Variants in PRKG1 observed in about 807,000 individuals in gnomAD.
The protein encoded by PRKG1 is protein kinase cGMP-dependent 1.
A neutral mutation model predicts 88.1 loss-of-function variants in PRKG1; 35 were observed. The ratio of observed to expected loss-of-function variants is 0.40; its 90% CI spans 0.30 to 0.53. PRKG1 has a LOEUF of 0.53. Among genes scored for constraint, PRKG1 ranks in the 20% least tolerant of loss-of-function variants. PRKG1 has a pLI of 0.59. For synonymous variants in PRKG1, 303 were observed against 292.5 expected, an observed-to-expected ratio of 1.04 and a Z score of -0.37; for missense variants, 540 against 839.8, an observed-to-expected ratio of 0.64 and a Z score of 4.41.
At chr10:52,273,040 C>T (rs897218676) in intron 12 of PRKG1, among the ~76,000 whole-genome samples, 31 of 151,978 alleles carry the variant, frequency 2.0e-4, no homozygotes, top group Non-Finnish European at 3.4e-4. Flanking sequence ...AGCAATATTT[C>T]ATGTAAATTA....
At chr10:51,494,565 A>G (rs61849790) in intron 3 of PRKG1, among the ~76,000 whole-genome samples, 7,017 of 152,324 alleles carry the variant, frequency 0.046, 262 homozygotes, top group Middle Eastern at 0.11. Context: ...AACTGTCCAG[A>G]ACAAATGGAG....
chr10:51,095,681 TACTC>T (rs1003918564), intron 1 of PRKG1, among the ~76,000 whole-genome samples: 2 of 152,160 alleles, frequency 1.3e-5, no homozygotes, highest in African/African-American at 4.8e-5. Flanking sequence ...CGCAGTGTGA[TACTC>T]AGTACTGGGG....
In PRKG1 at chr10:52,133,475, G is replaced by A. The variant is rs113229765; in HGVS notation, c.936-365G>A. On this transcript the variant is annotated intron_variant, in intron 7 of 17. Coordinates refer to ENST00000373980, the MANE Select transcript of PRKG1 (RefSeq NM_006258.4). ...AAATGGATCAGATACTCAGTTTCTA[G>A]AAGTATAGCTTCAAATTCTTTAAAA... Among the ~76,000 whole-genome samples the A allele has an allele frequency of 6.4e-3, 981 of 152,238 alleles. 6 individuals carry two copies. The highest frequency in any genetic ancestry group is 0.023 in the African/African-American group (937 of 41,576).
At chr10:51,078,551 G>A (rs1844023229) in intron 1 of PRKG1, among the ~76,000 whole-genome samples, 1 of 150,400 alleles carries the variant, frequency 6.6e-6, no homozygotes, top group Non-Finnish European at 1.5e-5. Flanking sequence ...TTTTCATTGC[G>A]AAGTACTTTG....
chr10:51,105,107 G>C (rs1330266363), intron 1 of PRKG1, among the ~76,000 whole-genome samples: 1 of 152,142 alleles, frequency 6.6e-6, no homozygotes, highest in Admixed American at 6.6e-5. Flanking sequence ...CTGGCCCGAA[G>C]TGATCTGCCC....
chr10:51,606,671 A>T (rs940554277), intron 3 of PRKG1, among the ~76,000 whole-genome samples: 1 of 151,868 alleles, frequency 6.6e-6, no homozygotes, highest in Non-Finnish European at 1.5e-5. Context: ...TATTTTACTT[A>T]AAAAAAATAG....
chr10:51,599,644 C>T (rs1290708127), intron 3 of PRKG1, among the ~76,000 whole-genome samples: 1 of 152,090 alleles, frequency 6.6e-6, no homozygotes, highest in Non-Finnish European at 1.5e-5. Context: ...GAACAGAATA[C>T]CAGTCCTGAT....
chr10:51,313,542 C>A (rs916236850), intron 2 of PRKG1, among the ~76,000 whole-genome samples: 1 of 152,026 alleles, frequency 6.6e-6, no homozygotes, highest in African/African-American at 2.4e-5. Flanking sequence ...CCTTCCAGCA[C>A]GAGAAAGAAG....
chr10:51,775,150 T>C (rs892457193), intron 3 of PRKG1, among the ~76,000 whole-genome samples: 4 of 152,168 alleles, frequency 2.6e-5, no homozygotes, highest in African/African-American at 9.6e-5. Flanking sequence ...ATAGAGCTAC[T>C]TGCAGGGGAG....
At chr10:51,834,946 T>C (rs79823495) in intron 4 of PRKG1, among the ~76,000 whole-genome samples, 1,767 of 151,946 alleles carry the variant, frequency 0.012, 25 homozygotes, top group African/African-American at 0.039. Flanking sequence ...CTTAGAAAAA[T>C]GTATAAAGAC....
intron 9 of PRKG1, among the ~76,000 whole-genome samples, chr10:52,188,972 T>TTA (rs1839292130): frequency 1.3e-5 from 2 of 152,202 alleles, no homozygotes; most frequent in South Asian, 4.1e-4. Context: ...TCTCTCCTCT[T>TTA]TAGAAACTTA....
intron 9 of PRKG1, among the ~76,000 whole-genome samples, chr10:52,210,514 G>A (rs1050958251): frequency 2.6e-5 from 4 of 151,960 alleles, no homozygotes; most frequent in Admixed American, 1.3e-4. Context: ...CAATTCTCAC[G>A]GTAGGTTATT....
intron 9 of PRKG1, among the ~76,000 whole-genome samples, chr10:52,168,607 G>C (rs1485527295): frequency 6.6e-6 from 1 of 151,986 alleles, no homozygotes; most frequent in Non-Finnish European, 1.5e-5. Context: ...TCTTGTCTCT[G>C]TGATTGAAGG....
chr10:51,015,629 G>A (rs761532670), intron 1 of PRKG1, among the ~76,000 whole-genome samples: 14 of 152,246 alleles, frequency 9.2e-5, no homozygotes, highest in Non-Finnish European at 1.8e-4. Flanking sequence ...GCTCATGCCT[G>A]TAATCCCAGC....
chr10:51,513,215 A>G (rs1347082529), intron 3 of PRKG1, among the ~76,000 whole-genome samples: 1 of 147,246 alleles, frequency 6.8e-6, no homozygotes, highest in East Asian at 2.0e-4. Flanking sequence ...GATAAAACAG[A>G]CTTTAAACCA....
chr10:51,750,507 C>CA (rs1411240592), intron 3 of PRKG1, among the ~76,000 whole-genome samples: 1 of 152,064 alleles, frequency 6.6e-6, no homozygotes, highest in Non-Finnish European at 1.5e-5. Flanking sequence ...ATGTAGGTGC[C>CA]AGGCAATGAG....
chr10:52,289,248 T>C (rs1428528399), intron 16 of PRKG1, among the ~76,000 whole-genome samples: 3 of 152,136 alleles, frequency 2.0e-5, no homozygotes, highest in African/African-American at 7.2e-5. Context: ...TTTTCCCCTC[T>C]GGCACAAAGG....
At chr10:51,838,532 G>A (rs1281979304) in intron 4 of PRKG1, among the ~76,000 whole-genome samples, 1 of 152,172 alleles carries the variant, frequency 6.6e-6, no homozygotes, top group African/African-American at 2.4e-5. Flanking sequence ...TTTTTAAAGG[G>A]AGCTTCCTTT....
chr10:52,169,069 G>A (rs1483126921), intron 9 of PRKG1, among the ~76,000 whole-genome samples: 1 of 152,124 alleles, frequency 6.6e-6, no homozygotes, highest in Non-Finnish European at 1.5e-5. Context: ...GAGGAGCATG[G>A]CACTGAGGAT....
Sources: gnomAD v4.1 joint callset for allele counts (sites outside exome capture counted in the v4.1 genomes callset) on GRCh38, gnomAD v4.1.1 for gene constraint, MANE v1.5 for transcripts, NCBI Gene and HGNC (gene_info 2026-07-23, HGNC 2026-07-21) for gene names.